Variants in PHF2 observed in about 807,000 individuals in gnomAD.
PHF2 encodes the protein lysine-specific demethylase PHF2.
PHF2 carries 27 observed loss-of-function variants against 120.5 expected under a neutral mutation model. The observed-to-expected ratio is 0.22, with a 90% CI of 0.17 to 0.31. PHF2 has a LOEUF of 0.31. PHF2 is among the 10% of genes least tolerant of loss of function. PHF2 has a pLI of 1.00. For missense variants in PHF2, 1,024 were observed against 1,434.8 expected, an observed-to-expected ratio of 0.71 and a Z score of 4.63; for synonymous variants, 568 against 592.5, an observed-to-expected ratio of 0.96 and a Z score of 0.60.
intron 2 of PHF2, among the ~76,000 whole-genome samples, chr9:93,632,250 G>T (rs1826014344): frequency 6.6e-6 from 1 of 152,214 alleles, no homozygotes; most frequent in African/African-American, 2.4e-5. Flanking sequence ...AGCTGCCCAG[G>T]GAGAGACATT....
chr9:93,607,051 T>C (rs1288256323), intron 1 of PHF2, among the ~76,000 whole-genome samples: 2 of 152,222 alleles, frequency 1.3e-5, no homozygotes, highest in Non-Finnish European at 2.9e-5. Context: ...GTCCCATTAA[T>C]CTGTCCCATT....
At chr9:93,605,567 G>A (rs1487274019) in intron 1 of PHF2, among the ~76,000 whole-genome samples, 3 of 152,144 alleles carry the variant, frequency 2.0e-5, no homozygotes, top group African/African-American at 7.2e-5. Flanking sequence ...CCATATCTTT[G>A]CCTTTTGCAG....
chr9:93,600,817 T>C (rs1825426176), intron 1 of PHF2, among the ~76,000 whole-genome samples: 1 of 152,174 alleles, frequency 6.6e-6, no homozygotes, highest in African/African-American at 2.4e-5. Context: ...TCATTCAAAG[T>C]CTAACCAGGC....
intron 1 of PHF2, among the ~76,000 whole-genome samples, chr9:93,621,584 C>T (rs1825827667): frequency 1.3e-5 from 2 of 152,184 alleles, no homozygotes; most frequent in South Asian, 4.1e-4. Context: ...TGGCCCAGAG[C>T]CTGGAGCCAC....
chr9:93,674,205 G>A (rs62573998), intron 18 of PHF2, among the ~76,000 whole-genome samples: 1 of 152,056 alleles, frequency 6.6e-6, no homozygotes, highest in East Asian at 1.9e-4. Flanking sequence ...TCCTCGACAG[G>A]CCCCGGAGGT....
At chr9:93,594,638 C>T (rs1030957711) in intron 1 of PHF2, among the ~76,000 whole-genome samples, 1 of 152,188 alleles carries the variant, frequency 6.6e-6, no homozygotes, top group Non-Finnish European at 1.5e-5. Flanking sequence ...CAGCTAAGCT[C>T]CCAGTCACTG....
intron 1 of PHF2, among the ~76,000 whole-genome samples, chr9:93,584,595 G>A (rs889994645): frequency 2.0e-5 from 3 of 152,184 alleles, no homozygotes; most frequent in Non-Finnish European, 4.4e-5. Flanking sequence ...TATTCCATTG[G>A]TCTATATGTG....
intron 1 of PHF2, among the ~76,000 whole-genome samples, chr9:93,608,816 A>G (rs1278465909): frequency 6.6e-6 from 1 of 151,652 alleles, no homozygotes; most frequent in Non-Finnish European, 1.5e-5. Context: ...GTTTTTTTAA[A>G]TTTTATTTAT....
chr9:93,587,922 A>G (rs939921556), intron 1 of PHF2, among the ~76,000 whole-genome samples: 10 of 152,124 alleles, frequency 6.6e-5, no homozygotes, highest in African/African-American at 2.4e-4. Flanking sequence ...TGACCCTGCC[A>G]TTGGCCGTCT....
At chr9:93,647,615 C>A (rs1385015144) in intron 4 of PHF2, among the ~76,000 whole-genome samples, 1 of 152,192 alleles carries the variant, frequency 6.6e-6, no homozygotes, top group African/African-American at 2.4e-5. Flanking sequence ...TCTGATCAGG[C>A]ATGGTAGCTC....
chr9:93,667,392 A>T, intron 17 of PHF2, 152 bp downstream of exon 17: 1 of 810,754 alleles, frequency 1.2e-6, no homozygotes. Flanking sequence ...CACACCTCAG[A>T]TGTTGGACTG....
intron 1 of PHF2, among the ~76,000 whole-genome samples, chr9:93,607,439 AT>A (rs36083667): frequency 0.2 from 19,622 of 100,358 alleles, 1,770 homozygotes; most frequent in African/African-American, 0.3. Flanking sequence ...TGCCTGGCTA[AT>A]TTTTTTTTTT....
intron 3 of PHF2, among the ~76,000 whole-genome samples, chr9:93,638,056 G>A (rs1826120687): frequency 6.6e-6 from 1 of 151,732 alleles, no homozygotes; most frequent in Admixed American, 6.6e-5. Context: ...CTTTTCATGA[G>A]CTTGTCGATC....
chr9:93,622,382 G>C (rs1345862199), intron 1 of PHF2, among the ~76,000 whole-genome samples: 2 of 152,238 alleles, frequency 1.3e-5, no homozygotes, highest in Non-Finnish European at 2.9e-5. Flanking sequence ...AGCATTGCAA[G>C]AGGGGAGGAA....
At chr9:93,622,853 G>C (rs1202141374) in intron 1 of PHF2, among the ~76,000 whole-genome samples, 1 of 152,194 alleles carries the variant, frequency 6.6e-6, no homozygotes, top group Non-Finnish European at 1.5e-5. Flanking sequence ...GAGTCTGTCT[G>C]TCTGTTCTAC....
Position 93,636,394 on chromosome 9 carries a change from T to G in PHF2, c.185-17T>G. On this transcript the variant is annotated splice_polypyrimidine_tract_variant and intron_variant, in intron 2 of 21. Coordinates refer to ENST00000359246, the MANE Select transcript of PHF2 (RefSeq NM_005392.4). The stretch of plus-strand genomic sequence containing the variant: ...GCTGCGCTGTGTGACCGACCTTGCT[T>G]CCGGTCTCCTCCACAGTAAAGAAGA... 2 of 1,586,208 alleles carry G rather than the reference T, an allele frequency of 1.3e-6. No individual in the cohort carries two copies. Among genetic ancestry groups the G allele is most frequent in the Non-Finnish European group, 1.7e-6 (2 of 1,165,008 alleles).
Position 93,665,872 on chromosome 9 carries a change from G to T in PHF2, c.2116+8G>T. On this transcript the variant is annotated splice_region_variant and intron_variant, in intron 15 of 21. Coordinates refer to ENST00000359246, the MANE Select transcript of PHF2 (RefSeq NM_005392.4). ...CGAAAAGGGACTTGTCCTGTGAGTT[G>T]GGAGGGGGTGTTGGGGGAGGGGTGT... The T allele has an allele frequency of 1.2e-6, 2 of 1,613,150 alleles. No individual in the cohort carries two copies. Among genetic ancestry groups the T allele is most frequent in the Non-Finnish European group, 8.5e-7 (1 of 1,179,972 alleles).
intron 3 of PHF2, among the ~76,000 whole-genome samples, chr9:93,637,360 G>A (rs1488404478): frequency 2.0e-5 from 3 of 151,932 alleles, no homozygotes; most frequent in Non-Finnish European, 1.5e-5. Flanking sequence ...TGTGCAGTTC[G>A]GTGGATTTTA....
chr9:93,649,785 CCATAGATATGTCACA>C (rs2117904269), intron 5 of PHF2, among the ~76,000 whole-genome samples: 1 of 152,222 alleles, frequency 6.6e-6, no homozygotes, highest in African/African-American at 2.4e-5. Flanking sequence ...ACATGCTCAC[CCATAGATATGTCACA>C]CACCTGCAGT....
Sources: gnomAD v4.1 joint callset for allele counts (sites outside exome capture counted in the v4.1 genomes callset) on GRCh38, gnomAD v4.1.1 for gene constraint, MANE v1.5 for transcripts, NCBI Gene and HGNC (gene_info 2026-07-23, HGNC 2026-07-21) for gene names.